ARHGAP6: variants seen among roughly 807,000 people sequenced by gnomAD.
The protein encoded by ARHGAP6 is rho GTPase-activating protein 6.
In ARHGAP6, 16 loss-of-function variants were observed where a neutral mutation model predicts 55.7. The observed-to-expected ratio is 0.29, with a 90% CI of 0.19 to 0.44. The LOEUF (loss-of-function observed/expected upper bound fraction) is 0.44, where lower values mean the gene tolerates loss of function less well. Among genes scored for constraint, ARHGAP6 ranks in the 20% least tolerant of loss-of-function variants. The pLI is 1.00. For missense variants in ARHGAP6, 698 were observed against 808.9 expected (o/e 0.86, Z 1.66); for synonymous variants, 382 against 360.9 (o/e 1.06, Z -0.66).
In ARHGAP6 at chrX:11,307,080, G is replaced by A. The variant is rs189618558; in HGVS notation, c.589-52373C>T. On this transcript the variant is annotated intron_variant, in intron 1 of 12. Coordinates refer to ENST00000337414, the MANE Select transcript of ARHGAP6 (RefSeq NM_013427.3). Reference sequence around the variant, plus strand: ...AAGGATGGATGGAAAACAAAGAAACGCAAGTCCAGTGCTCGTAGAAACCAC... The same window carrying A: ...AAGGATGGATGGAAAACAAAGAAACACAAGTCCAGTGCTCGTAGAAACCAC... Among the ~76,000 whole-genome samples the A allele has an allele frequency of 3.7e-3, 414 of 110,527 alleles. 1 individual carries two copies. Among genetic ancestry groups the A allele is most frequent in the Middle Eastern group, 0.014 (3 of 215 alleles).
intron 6 of ARHGAP6, 116 bp from the exon 7 acceptor site, chrX:11,179,568 A>G: frequency 5.7e-6 from 5 of 881,900 alleles, no homozygotes; most frequent in Non-Finnish European, 3.1e-6. Context: ...ACAGACCCCA[A>G]GAAGGGGAAG....
intron 9 of ARHGAP6, among the ~76,000 whole-genome samples, chrX:11,159,412 A>C (rs1185174157): frequency 9.0e-6 from 1 of 111,185 alleles, no homozygotes; most frequent in African/African-American, 3.3e-5. Flanking sequence ...GAACCAGGGC[A>C]GTGAGGTGAT....
At chrX:11,527,194 G>A (rs1359783588) in intron 1 of ARHGAP6, among the ~76,000 whole-genome samples, 1 of 111,318 alleles carries the variant, frequency 9.0e-6, no homozygotes, top group African/African-American at 3.3e-5. Flanking sequence ...TTTGAACCTA[G>A]ACAAATGACT....
chrX:11,409,443 G>T (rs1017493822), intron 1 of ARHGAP6, among the ~76,000 whole-genome samples: 1 of 111,747 alleles, frequency 8.9e-6, no homozygotes, highest in Non-Finnish European at 1.9e-5. Context: ...TTGCTGCCAA[G>T]TGCCAGGGCT....
Position 11,665,077 on chromosome X carries a change from T to C in ARHGAP6, c.-249A>G, listed in dbSNP as rs2052742776. The C allele has an allele frequency of 3.2e-6, 1 of 314,492 alleles. No individual in the cohort carries two copies. The highest frequency in any genetic ancestry group is 5.5e-6 in the Non-Finnish European group (1 of 182,916). The allele number at this position is 314,492 out of a possible 1,213,427, so 25.9% of individuals were successfully genotyped here. A position where few individuals can be genotyped will look rare whatever the true frequency, so the allele number is the denominator to read the frequency against. ...GGGTCTGGGGACCTCCTGCAGCCGC[T>C]AGAACCTTCCTCCGGAGCCCAAGAC... On this transcript the variant is annotated 5_prime_UTR_variant, in exon 1 of 13. Transcript: ENST00000337414.
intron 1 of ARHGAP6, among the ~76,000 whole-genome samples, chrX:11,339,281 C>T (rs1447202865): frequency 8.9e-6 from 1 of 111,849 alleles, no homozygotes; most frequent in Admixed American, 9.5e-5. Flanking sequence ...TCTTCTACCA[C>T]ACCGACTTTT....
chrX:11,522,413 CA>C (rs1302769305), intron 1 of ARHGAP6, among the ~76,000 whole-genome samples: 1 of 110,968 alleles, frequency 9.0e-6, no homozygotes, highest in African/African-American at 3.3e-5. Flanking sequence ...GATAGAGACA[CA>C]AAAAACCCTT....
At chrX:11,614,233 G>A (rs1249941217) in intron 1 of ARHGAP6, among the ~76,000 whole-genome samples, 1 of 111,994 alleles carries the variant, frequency 8.9e-6, no homozygotes, top group Non-Finnish European at 1.9e-5. Flanking sequence ...TGTTGAGAAA[G>A]GGATTGTTTC....
At chrX:11,144,382 C>T in intron 10 of ARHGAP6, 134 bp from the exon 11 acceptor site, 1 of 886,403 alleles carries the variant, frequency 1.1e-6, no homozygotes, top group East Asian at 3.2e-5. Context: ...CCATTTTGAG[C>T]AATGTTCCAA....
At chrX:11,515,055 A>G (rs898473915) in intron 1 of ARHGAP6, among the ~76,000 whole-genome samples, 4 of 111,650 alleles carry the variant, frequency 3.6e-5, no homozygotes, top group Non-Finnish European at 7.5e-5. Context: ...TTGGAGCACA[A>G]CGTTGAAAAA....
intron 2 of ARHGAP6, among the ~76,000 whole-genome samples, chrX:11,243,752 C>G (rs2047316105): frequency 8.9e-6 from 1 of 112,121 alleles, no homozygotes; most frequent in Non-Finnish European, 1.9e-5. Context: ...TACAGCTATA[C>G]TATTTTTTAT....
chrX:11,202,605 C>T (rs1393108458), intron 2 of ARHGAP6, among the ~76,000 whole-genome samples: 43 of 109,132 alleles, frequency 3.9e-4, no homozygotes, highest in African/African-American at 1.4e-3. Context: ...GTCAGGAGTT[C>T]GAGACTAGCC....
intron 1 of ARHGAP6, among the ~76,000 whole-genome samples, chrX:11,594,759 G>A (rs1601682447): frequency 2.7e-5 from 3 of 111,588 alleles, no homozygotes; most frequent in Non-Finnish European, 3.8e-5. Flanking sequence ...ACCAATTCCC[G>A]GTACCAAAAA....
intron 1 of ARHGAP6, among the ~76,000 whole-genome samples, chrX:11,354,345 A>C (rs1378587523): frequency 1.8e-4 from 17 of 92,174 alleles, no homozygotes; most frequent in African/African-American, 6.9e-4. Context: ...ATATATATAT[A>C]TATATATATA....
chrX:11,448,850 T>A (rs2050118483), intron 1 of ARHGAP6, among the ~76,000 whole-genome samples: 1 of 111,668 alleles, frequency 9.0e-6, no homozygotes, highest in African/African-American at 3.3e-5. Context: ...AAATTTATCA[T>A]GTGAAATACC....
At chrX:11,547,765 C>A (rs1387023450) in intron 1 of ARHGAP6, among the ~76,000 whole-genome samples, 1 of 112,161 alleles carries the variant, frequency 8.9e-6, no homozygotes, top group Non-Finnish European at 1.9e-5. Context: ...AAAGATGCAC[C>A]CATCCAATTT....
rs1334321095 is a variant in ARHGAP6 at position 11,665,569 on chromosome X, A to G, written c.-741T>C. 2 of 113,363 alleles carry G rather than the reference A, an allele frequency of 1.8e-5. No homozygotes were observed. The highest frequency in any genetic ancestry group is 5.6e-4 in the East Asian group (2 of 3,561). The allele number at this position is 113,363 out of a possible 1,213,427, so 9.3% of individuals were successfully genotyped here. A position where few individuals can be genotyped will look rare whatever the true frequency, so the allele number is the denominator to read the frequency against. On this transcript the variant is annotated 5_prime_UTR_variant, in exon 1 of 13. Coordinates refer to ENST00000337414, the MANE Select transcript of ARHGAP6 (RefSeq NM_013427.3). ...CGTGCTGCGCCCGGGACCTCCAAAG[A>G]CTGCGTGCCCACGGTGGGATGGAAT...
At chrX:11,516,350 C>T (rs1293368631) in intron 1 of ARHGAP6, among the ~76,000 whole-genome samples, 1 of 111,905 alleles carries the variant, frequency 8.9e-6, no homozygotes, top group Non-Finnish European at 1.9e-5. Context: ...CATCGTCTAT[C>T]TCCAGAACTT....
chrX:11,286,993 T>C (rs1301076106), intron 1 of ARHGAP6, among the ~76,000 whole-genome samples: 1 of 112,164 alleles, frequency 8.9e-6, no homozygotes, highest in Non-Finnish European at 1.9e-5. Flanking sequence ...ATGGTGATGG[T>C]GGCAAACTTT....
Sources: allele counts gnomAD v4.1 joint callset (sites outside exome capture counted in the v4.1 genomes callset), GRCh38; gene constraint gnomAD v4.1.1; transcripts MANE v1.5; gene names NCBI Gene and HGNC (gene_info 2026-07-23, HGNC 2026-07-21).